Variants in ANKRD55 observed in about 807,000 individuals in gnomAD.
The protein encoded by ANKRD55 is ankyrin repeat domain-containing protein 55.
Under a neutral mutation model 60.6 loss-of-function variants are expected in ANKRD55, and 41 were observed. That is an observed-to-expected ratio of 0.68 (90% confidence interval 0.53 to 0.88). The LOEUF (loss-of-function observed/expected upper bound fraction) is 0.88, where lower values mean the gene tolerates loss of function less well. Ranked by LOEUF, ANKRD55 falls within the 40% of genes least tolerant of loss-of-function variation. The pLI is 0.00. For missense variants in ANKRD55, 732 were observed against 767.6 expected (o/e 0.95, Z 0.55); for synonymous variants, 264 against 290.3 (o/e 0.91, Z 0.92).
At chr5:56,212,694 T>C (rs566979574) in intron 2 of ANKRD55, among the ~76,000 whole-genome samples, 2 of 152,326 alleles carry the variant, frequency 1.3e-5, no homozygotes, top group East Asian at 3.9e-4. Flanking sequence ...TTCCCAGAGT[T>C]GCACAGCTAT....
rs545224299 is a variant in ANKRD55 at position 56,223,322 on chromosome 5, C to T, written c.58+9534G>A. Among the ~76,000 whole-genome samples, 312 of 152,256 alleles carry T rather than the reference C, an allele frequency of 2.0e-3. 1 individual carries two copies. Among genetic ancestry groups the T allele is most frequent in the African/African-American group, 7.0e-3 (290 of 41,534 alleles). ...AAATGCTGAGAGATTTTGTCACCAC[C>T]AGGCCTGCCCTAAAAGAGCTCCTGA... On this transcript the variant is annotated intron_variant, in intron 2 of 11. Transcript: ENST00000341048.
At chr5:56,172,660 A>G (rs967224755) in intron 4 of ANKRD55, among the ~76,000 whole-genome samples, 5 of 152,198 alleles carry the variant, frequency 3.3e-5, no homozygotes, top group African/African-American at 1.2e-4. Context: ...TTAAGAACCA[A>G]CAAATGAGTT....
intron 9 of ANKRD55, among the ~76,000 whole-genome samples, chr5:56,115,511 G>C (rs184993040): frequency 1.3e-5 from 2 of 151,604 alleles, no homozygotes; most frequent in Non-Finnish European, 2.9e-5. Flanking sequence ...TAGAGATGGG[G>C]TTTTACCATG....
chr5:56,175,742 T>C (rs778011347), intron 4 of ANKRD55, among the ~76,000 whole-genome samples: 2 of 152,082 alleles, frequency 1.3e-5, no homozygotes, highest in African/African-American at 4.8e-5. Context: ...CCACATTCCT[T>C]AGCCTCAAGC....
chr5:56,227,982 C>T (rs293595), intron 2 of ANKRD55, among the ~76,000 whole-genome samples: 54,261 of 151,936 alleles, frequency 0.36, 10,798 homozygotes, highest in East Asian at 0.84. Context: ...CAATTTTTCT[C>T]CTAGCTTAAA....
At chr5:56,116,387 T>C (rs1173425986) in intron 9 of ANKRD55, among the ~76,000 whole-genome samples, 1 of 152,214 alleles carries the variant, frequency 6.6e-6, no homozygotes, top group Non-Finnish European at 1.5e-5. Context: ...CTGATGGATT[T>C]GGATTCACTA....
At position 56,167,174 on chromosome 5, in the gene ANKRD55, G is replaced by A. The variant is rs370216305; in HGVS notation, c.422+3520C>T. Reference sequence around the variant, plus strand: ...GGGAATACTTTCTGAGAAATGTGTCGTTTGGCGATTTCATCATTGTGTGGA... The same window carrying A: ...GGGAATACTTTCTGAGAAATGTGTCATTTGGCGATTTCATCATTGTGTGGA... On this transcript the variant is annotated intron_variant, in intron 5 of 11. Coordinates refer to ENST00000341048, the MANE Select transcript of ANKRD55 (RefSeq NM_024669.3). Among the ~76,000 whole-genome samples the A allele has an allele frequency of 3.8e-4, 58 of 152,296 alleles. 1 individual carries two copies. The highest frequency in any genetic ancestry group is 1.3e-3 in the African/African-American group (55 of 41,554).
chr5:56,122,322 T>C (rs1234665866), intron 8 of ANKRD55, among the ~76,000 whole-genome samples: 1 of 152,110 alleles, frequency 6.6e-6, no homozygotes, highest in Non-Finnish European at 1.5e-5. Context: ...GAAAAGGTAC[T>C]GGACGTTTGA....
chr5:56,164,258 C>T (rs1193947721), intron 5 of ANKRD55, among the ~76,000 whole-genome samples: 1 of 152,150 alleles, frequency 6.6e-6, no homozygotes, highest in East Asian at 1.9e-4. Context: ...TATGAGCTTT[C>T]CTGTTTCGCT....
At chr5:56,162,147 G>T in intron 5 of ANKRD55, 1 of 444,740 alleles carries the variant, frequency 2.2e-6, no homozygotes, top group Non-Finnish European at 3.0e-6. Flanking sequence ...GGTTACTCCT[G>T]AGCAGACAGA....
At chr5:56,220,083 G>C (rs1168397725) in intron 2 of ANKRD55, among the ~76,000 whole-genome samples, 1 of 152,150 alleles carries the variant, frequency 6.6e-6, no homozygotes, top group Non-Finnish European at 1.5e-5. Flanking sequence ...ATGAGTTGTG[G>C]GAAACATCAG....
chr5:56,154,521 C>G (rs1758143495), intron 6 of ANKRD55, among the ~76,000 whole-genome samples: 1 of 151,202 alleles, frequency 6.6e-6, no homozygotes, highest in Non-Finnish European at 1.5e-5. Context: ...TAGCAATGAC[C>G]AATAACTAAA....
At chr5:56,104,443 G>A (rs749241765) in intron 10 of ANKRD55, among the ~76,000 whole-genome samples, 2 of 152,130 alleles carry the variant, frequency 1.3e-5, no homozygotes, top group East Asian at 1.9e-4. Context: ...GCAGTGACTC[G>A]GAGATGAAGG....
chr5:56,165,150 A>G (rs1396385808), intron 5 of ANKRD55, among the ~76,000 whole-genome samples: 2 of 152,200 alleles, frequency 1.3e-5, no homozygotes, highest in African/African-American at 4.8e-5. Flanking sequence ...CAGTATAAAA[A>G]CCTGAGCACA....
At chr5:56,113,351 G>A (rs1419073972) in intron 9 of ANKRD55, among the ~76,000 whole-genome samples, 2 of 151,942 alleles carry the variant, frequency 1.3e-5, no homozygotes, top group African/African-American at 4.8e-5. Flanking sequence ...CAATGTACTT[G>A]CAGAAAAAAA....
chr5:56,108,338 G>A (rs1050953348), intron 10 of ANKRD55: 14 of 152,186 alleles, frequency 9.2e-5, no homozygotes, highest in African/African-American at 3.4e-4. Context: ...CATAACAGAA[G>A]GTATTCGTTT....
chr5:56,150,750 T>C (rs1173100149), intron 6 of ANKRD55, among the ~76,000 whole-genome samples: 1 of 152,026 alleles, frequency 6.6e-6, no homozygotes, highest in East Asian at 1.9e-4. Context: ...AATACAAAAA[T>C]TAGCCACGTG....
intron 7 of ANKRD55, among the ~76,000 whole-genome samples, chr5:56,135,429 G>A: frequency 6.7e-6 from 1 of 150,194 alleles, no homozygotes; most frequent in East Asian, 1.9e-4. Context: ...GAGTGCAGTG[G>A]TGCGATCTTG....
At chr5:56,179,392 C>T (rs1468167232) in intron 3 of ANKRD55, among the ~76,000 whole-genome samples, 1 of 152,040 alleles carries the variant, frequency 6.6e-6, no homozygotes, top group African/African-American at 2.4e-5. Flanking sequence ...ACACCAGCTT[C>T]AGAATAGCGG....
Sources: allele counts gnomAD v4.1 joint callset (sites outside exome capture counted in the v4.1 genomes callset), GRCh38; gene constraint gnomAD v4.1.1; transcripts MANE v1.5; gene names NCBI Gene and HGNC (gene_info 2026-07-23, HGNC 2026-07-21).